The following GNAL variants were observed in gnomAD, a reference collection of about 807,000 sequenced individuals.
The protein encoded by GNAL is G protein subunit alpha L.
Under a neutral mutation model 55.1 loss-of-function variants are expected in GNAL, and 18 were observed. The ratio of observed to expected loss-of-function variants is 0.33; its 90% CI spans 0.23 to 0.48. The LOEUF (loss-of-function observed/expected upper bound fraction) is 0.48, where lower values mean the gene tolerates loss of function less well. GNAL is among the 20% of genes least tolerant of loss of function. The probability of loss-of-function intolerance (pLI) is 0.99; values close to 1 mark genes in which losing one functional copy is unlikely to be tolerated. For synonymous variants in GNAL, 253 were observed against 237.0 expected (o/e 1.07, Z -0.62); for missense variants, 412 against 614.1 (o/e 0.67, Z 3.48).
chr18:11,721,093 A>G (rs1015239496), intron 1 of GNAL, among the ~76,000 whole-genome samples: 5 of 152,182 alleles, frequency 3.3e-5, no homozygotes, highest in African/African-American at 1.2e-4. Flanking sequence ...TAAGTTCAAA[A>G]ATTCACAATA....
At chr18:11,865,732 G>A (rs1279791410) in intron 7 of GNAL, among the ~76,000 whole-genome samples, 2 of 143,560 alleles carry the variant, frequency 1.4e-5, no homozygotes, top group African/African-American at 5.7e-5. Context: ...TCCAGCCTGG[G>A]TGACAGAGTA....
Position 11,689,538 on chromosome 18 carries a change from C to T in GNAL, c.-26C>T. On this transcript the variant is annotated 5_prime_UTR_variant, in exon 1 of 12. Transcript: ENST00000334049. ...GCGCCCAGCCTGCCCTAGTCCCGCG[C>T]GCCGCCCCCGCTGTGCCGCGCCCAC... The T allele has an allele frequency of 1.7e-6, 2 of 1,157,504 alleles. No homozygotes were observed. The highest frequency in any genetic ancestry group is 3.3e-5 in the East Asian group (1 of 29,972). The allele number at this position is 1,157,504 out of a possible 1,614,324, so 71.7% of individuals were successfully genotyped here. A position where few individuals can be genotyped will look rare whatever the true frequency, so the allele number is the denominator to read the frequency against.
chr18:11,704,686 T>C (rs571141593), intron 1 of GNAL, among the ~76,000 whole-genome samples: 1 of 152,344 alleles, frequency 6.6e-6, no homozygotes, highest in African/African-American at 2.4e-5. Flanking sequence ...CAGTATTTTC[T>C]TTTAGTTTCT....
At chr18:11,790,048 T>C (rs2034185207) in intron 4 of GNAL, among the ~76,000 whole-genome samples, 1 of 152,244 alleles carries the variant, frequency 6.6e-6, no homozygotes, top group Non-Finnish European at 1.5e-5. Context: ...TTAAGCTTTC[T>C]AGAACGCTCC....
chr18:11,829,011 C>G (rs941139387), intron 5 of GNAL, among the ~76,000 whole-genome samples: 1 of 152,182 alleles, frequency 6.6e-6, no homozygotes, highest in South Asian at 2.1e-4. Context: ...GAGGTGCCTA[C>G]GATCACAGTT....
At chr18:11,704,122 C>G (rs1462148325) in intron 1 of GNAL, among the ~76,000 whole-genome samples, 3 of 152,192 alleles carry the variant, frequency 2.0e-5, no homozygotes, top group African/African-American at 7.2e-5. Flanking sequence ...AAGGAAGCAG[C>G]ATTGGTGTTC....
At chr18:11,792,191 C>T (rs1458851205) in intron 4 of GNAL, among the ~76,000 whole-genome samples, 7 of 151,932 alleles carry the variant, frequency 4.6e-5, no homozygotes. Context: ...CTCCTTCCTT[C>T]CCTCCCTTCC....
chr18:11,769,034 A>T (rs2033533076), intron 4 of GNAL, among the ~76,000 whole-genome samples: 1 of 75,210 alleles, frequency 1.3e-5, no homozygotes, highest in Non-Finnish European at 2.4e-5. Context: ...AATATATTAT[A>T]TATAATATAT....
rs9962276 is a variant in GNAL, at chr18:11,744,907, C to T, written c.377-7946C>T. Among the ~76,000 whole-genome samples the T allele has an allele frequency of 1.5e-3, 226 of 152,232 alleles. 1 individual carries two copies. Among genetic ancestry groups the T allele is most frequent in the African/African-American group, 5.2e-3 (216 of 41,540 alleles). ...TGTAATTTTTGTAGAATTGGGGTTT[C>T]GCCATGTTGCCCAGGCTGGTTTCAA... is the stretch of plus-strand genomic sequence containing the variant. On this transcript the variant is annotated intron_variant, in intron 1 of 11. Transcript: ENST00000334049.
chr18:11,707,471 G>A (rs908781273), intron 1 of GNAL, among the ~76,000 whole-genome samples: 1 of 152,152 alleles, frequency 6.6e-6, no homozygotes, highest in Non-Finnish European at 1.5e-5. Flanking sequence ...AAAATATTCA[G>A]TAAACCATGA....
intron 4 of GNAL, among the ~76,000 whole-genome samples, chr18:11,801,439 G>A (rs1318763826): frequency 6.6e-6 from 1 of 152,172 alleles, no homozygotes; most frequent in East Asian, 1.9e-4. Context: ...TGCAGTCCTA[G>A]CAACTAGGGA....
chr18:11,731,046 G>C (rs2032328403), intron 1 of GNAL, among the ~76,000 whole-genome samples: 1 of 152,182 alleles, frequency 6.6e-6, no homozygotes, highest in Non-Finnish European at 1.5e-5. Context: ...GATGATCTCT[G>C]TTTTAATGTT....
At chr18:11,839,904 A>G (rs1242352284) in intron 5 of GNAL, among the ~76,000 whole-genome samples, 2 of 152,260 alleles carry the variant, frequency 1.3e-5, no homozygotes, top group African/African-American at 2.4e-5. Flanking sequence ...CTTTTCAAAT[A>G]GAACTTAAGG....
intron 4 of GNAL, among the ~76,000 whole-genome samples, chr18:11,778,014 A>G (rs1367649919): frequency 6.6e-6 from 1 of 152,136 alleles, no homozygotes; most frequent in Non-Finnish European, 1.5e-5. Context: ...GCACCTCCCC[A>G]CCAGCTTGTG....
intron 4 of GNAL, among the ~76,000 whole-genome samples, chr18:11,775,421 A>G (rs2033754224): frequency 6.6e-6 from 1 of 152,212 alleles, no homozygotes; most frequent in Non-Finnish European, 1.5e-5. Flanking sequence ...ATCCACACAC[A>G]TGCACGCCCC....
intron 1 of GNAL, among the ~76,000 whole-genome samples, chr18:11,710,588 T>C (rs1422033790): frequency 6.6e-6 from 1 of 152,144 alleles, no homozygotes; most frequent in Non-Finnish European, 1.5e-5. Context: ...TCATATATGG[T>C]GGTGATGAAT....
At chr18:11,789,575 C>T (rs559232990) in intron 4 of GNAL, among the ~76,000 whole-genome samples, 4 of 152,310 alleles carry the variant, frequency 2.6e-5, no homozygotes, top group African/African-American at 7.2e-5. Context: ...AGATTCCCCA[C>T]GGATCCAACA....
intron 1 of GNAL, chr18:11,746,093 C>T (rs1049494469): frequency 1.6e-5 from 8 of 512,254 alleles, no homozygotes; most frequent in South Asian, 5.9e-5. Flanking sequence ...CATTGGAGCA[C>T]TCCACGACTC....
chr18:11,774,646 C>G (rs1260290374), intron 4 of GNAL, among the ~76,000 whole-genome samples: 2 of 152,080 alleles, frequency 1.3e-5, no homozygotes, highest in Non-Finnish European at 2.9e-5. Flanking sequence ...TTGACTTGCC[C>G]CGAGTCATAG....
Sources: allele counts gnomAD v4.1 joint callset (sites outside exome capture counted in the v4.1 genomes callset), GRCh38; gene constraint gnomAD v4.1.1; transcripts MANE v1.5; gene names NCBI Gene and HGNC (gene_info 2026-07-23, HGNC 2026-07-21).